Variants in POC5 observed in about 807,000 individuals in gnomAD.
POC5 encodes centrosomal protein POC5.
Under a neutral mutation model 62.9 loss-of-function variants are expected in POC5, and 48 were observed. That is an observed-to-expected ratio of 0.76 (90% CI 0.61 to 0.97). The LOEUF (loss-of-function observed/expected upper bound fraction) is 0.97, where lower values mean the gene tolerates loss of function less well. Ranked by LOEUF, POC5 falls within the 50% of genes least tolerant of loss-of-function variation. The pLI is 0.00. For synonymous variants in POC5, 236 were observed against 228.2 expected, an observed-to-expected ratio of 1.03 and a Z score of -0.31; for missense variants, 696 against 679.5, an observed-to-expected ratio of 1.02 and a Z score of -0.27.
chr5:75,692,365 T>C lies in POC5; in HGVS notation c.795+31A>G, dbSNP rs192924230. 6 of 1,467,382 alleles carry C rather than the reference T, an allele frequency of 4.1e-6. No individual in the cohort carries two copies. The East Asian group carries it at 1.5e-4, about 36-fold the overall frequency. 90.9% of individuals were successfully genotyped at this position (1,467,382 alleles called of 1,614,324 possible). ...CACTTCTGAATTCAGAAGTCTAACATCCATCAGCTGTCTTCTGCTTTGACA... is the reference window on the plus strand; with the variant it reads ...CACTTCTGAATTCAGAAGTCTAACACCCATCAGCTGTCTTCTGCTTTGACA... On this transcript the variant is annotated intron_variant, in intron 7 of 11. Coordinates refer to ENST00000428202, the MANE Select transcript of POC5 (RefSeq NM_001099271.2).
Position 75,685,411 on chromosome 5 carries a change from C to G in POC5, c.1203G>C (p.Leu401Phe). The G allele has an allele frequency of 6.2e-7, 1 of 1,613,884 alleles. No individual in the cohort carries two copies. The highest frequency in any genetic ancestry group is 8.5e-7 in the Non-Finnish European group (1 of 1,179,838). ...GVQGKEHSAH[L>F]DPSAPPMPLP... The stretch of plus-strand genomic sequence containing the variant: ...AGGGCATCGGAGGAGCTGAAGGATC[C>G]AAATGAGCAGAATGTTCTTTTCCTT... The change falls in exon 10 of 12, where the codon TTG becomes TTC. Residue 401 changes from leucine (L) to phenylalanine (F), a missense_variant. Leu to Phe is a conservative substitution (Grantham distance 22). Transcript: ENST00000428202.
intron 11 of POC5, among the ~76,000 whole-genome samples, chr5:75,676,853 T>C (rs924074536): frequency 6.6e-6 from 1 of 151,146 alleles, no homozygotes; most frequent in African/African-American, 2.4e-5. Context: ...AAAAAATAAA[T>C]AAATAAATAA....
intron 11 of POC5, among the ~76,000 whole-genome samples, chr5:75,675,138 G>T (rs1258859105): frequency 6.6e-6 from 1 of 152,142 alleles, no homozygotes; most frequent in Non-Finnish European, 1.5e-5. Context: ...GAGCTCAAAG[G>T]AACACCTCAG....
chr5:75,707,637 G>T, intron 3 of POC5, 100 bp downstream of exon 3: 1 of 947,100 alleles, frequency 1.1e-6, no homozygotes, highest in South Asian at 1.9e-5. Flanking sequence ...TGGTTGAGAA[G>T]AATCACTGAT....
At chr5:75,679,964 A>T (rs945690863) in intron 10 of POC5, among the ~76,000 whole-genome samples, 5 of 152,192 alleles carry the variant, frequency 3.3e-5, no homozygotes, top group Non-Finnish European at 5.9e-5. Context: ...CCTTGTAAAA[A>T]TGATTTGGCT....
At chr5:75,703,361 C>T (rs1776975404) in intron 4 of POC5, among the ~76,000 whole-genome samples, 1 of 152,146 alleles carries the variant, frequency 6.6e-6, no homozygotes, top group Non-Finnish European at 1.5e-5. Flanking sequence ...GGCGCGGTGG[C>T]TCATGCCTGT....
At chr5:75,695,737 G>C (rs957767032) in intron 5 of POC5, among the ~76,000 whole-genome samples, 1 of 152,172 alleles carries the variant, frequency 6.6e-6, no homozygotes, top group African/African-American at 2.4e-5. Context: ...AACAGCTCCA[G>C]TCTACAGCTC....
In POC5 at chr5:75,705,745, T is replaced by C; in HGVS notation, c.266A>G (p.Lys89Arg). 1 of 1,556,288 alleles carries C rather than the reference T, an allele frequency of 6.4e-7. No individual in the cohort carries two copies. Among genetic ancestry groups the C allele is most frequent in the Non-Finnish European group, 8.7e-7 (1 of 1,151,008 alleles). Residue 89 changes from lysine (K) to arginine (R), a missense_variant, in exon 4 of 12, where the codon AAA (lysine) becomes AGA (arginine). By Grantham distance (26) the Lys-to-Arg change is conservative. Coordinates refer to ENST00000428202, the MANE Select transcript of POC5 (RefSeq NM_001099271.2). The part of the protein sequence containing the change: ...EVRETAIEVG[K>R]GCDFHISSHS... ...ACTTGAAATATGGAAATCACATCCT[T>C]TTCCAACTTCTATTGCAGTTTCTCT...
intron 11 of POC5, chr5:75,677,547 A>T (rs1775715178): frequency 3.3e-6 from 1 of 304,080 alleles, no homozygotes; most frequent in African/African-American, 2.2e-5. Flanking sequence ...GGAAGAAACG[A>T]TGTTTCTGAA....
intron 3 of POC5, among the ~76,000 whole-genome samples, chr5:75,706,418 A>T (rs1777122736): frequency 6.6e-6 from 1 of 152,230 alleles, no homozygotes; most frequent in Non-Finnish European, 1.5e-5. Flanking sequence ...GGATATCTAA[A>T]CTTACTATAT....
intron 1 of POC5, among the ~76,000 whole-genome samples, chr5:75,714,754 T>C (rs1038550692): frequency 3.9e-5 from 6 of 152,122 alleles, no homozygotes; most frequent in Admixed American, 2.0e-4. Context: ...GCTGCAAGTA[T>C]GCAGTCTGTG....
chr5:75,676,690 C>T (rs1387077484), intron 11 of POC5, among the ~76,000 whole-genome samples: 3 of 151,888 alleles, frequency 2.0e-5, no homozygotes, highest in South Asian at 2.1e-4. Flanking sequence ...GGGGTGGTGG[C>T]GGGTGCCTGT....
intron 5 of POC5, 44 bp downstream of exon 5, chr5:75,702,561 A>G (rs1776932691): frequency 1.3e-6 from 2 of 1,544,520 alleles, no homozygotes; most frequent in East Asian, 2.3e-5. Flanking sequence ...AAACTATTAC[A>G]TTACATACTA....
intron 2 of POC5, 92 bp downstream of exon 2, chr5:75,712,762 G>T: frequency 3.0e-6 from 3 of 998,728 alleles, no homozygotes; most frequent in Non-Finnish European, 3.0e-6. Context: ...CTTGTAAATG[G>T]ATGAAAAAAT....
intron 4 of POC5, among the ~76,000 whole-genome samples, chr5:75,704,795 G>A (rs1777051460): frequency 6.6e-6 from 1 of 152,124 alleles, no homozygotes; most frequent in Admixed American, 6.5e-5. Context: ...GACAAAAATG[G>A]TTACCACATT....
In POC5 at chr5:75,694,667, C is replaced by A. The variant is rs371544557; in HGVS notation, c.678G>T (p.Gly226=). Residue 226 remains glycine, a synonymous_variant, in exon 6 of 12, where the codon GGG becomes GGT. Coordinates refer to ENST00000428202, the MANE Select transcript of POC5 (RefSeq NM_001099271.2). The part of the protein sequence containing the change: ...ELQKTFEISI[G]RKDEVISSLS... ...TAAAAAAGAAGACCTCATCTTTTCTCCCAATGGAGATTTCAAAGGTTTTTT... is the reference window on the plus strand; with the variant it reads ...TAAAAAAGAAGACCTCATCTTTTCTACCAATGGAGATTTCAAAGGTTTTTT... 37 of 1,549,472 alleles carry A rather than the reference C, an allele frequency of 2.4e-5. No homozygotes were observed. Among genetic ancestry groups the A allele is most frequent in the Non-Finnish European group, 3.0e-5 (35 of 1,152,022 alleles).
rs189517802 is a variant in POC5, at chr5:75,696,449, G to C, written c.514-1618C>G. On this transcript the variant is annotated intron_variant, in intron 5 of 11. Coordinates refer to ENST00000428202, the MANE Select transcript of POC5 (RefSeq NM_001099271.2). The stretch of plus-strand genomic sequence containing the variant: ...TGGGAGGCACCCCCCAGCAGAGGCA[G>C]ACTGACACCTCACACGGCCGGGTAC... 4.6e-3 allele frequency among the ~76,000 whole-genome samples: 699 copies of C among 152,288 alleles called. 4 individuals are homozygous for C. The highest frequency in any genetic ancestry group is 0.012 in the African/African-American group (495 of 41,548).
At position 75,693,388 on chromosome 5, in the gene POC5, C is replaced by T. The variant is rs1776428185; in HGVS notation, c.691-888G>A. Among the ~76,000 whole-genome samples, 5 of 151,864 alleles carry T rather than the reference C, an allele frequency of 3.3e-5. No individual in the cohort carries two copies. In the South Asian group the frequency reaches 8.3e-4, roughly 25 times the overall value. ...CACATTTACCAAGAGATATTTATAACTGCTCTTTAAATAATTTCCAGAGAG... is the reference window on the plus strand; with the variant it reads ...CACATTTACCAAGAGATATTTATAATTGCTCTTTAAATAATTTCCAGAGAG... On this transcript the variant is annotated intron_variant, in intron 6 of 11. Transcript: ENST00000428202.
At chr5:75,713,050 T>C (rs1197724702) in intron 1 of POC5, 99 bp from the exon 2 acceptor site, 1 of 817,354 alleles carries the variant, frequency 1.2e-6, no homozygotes, top group East Asian at 2.8e-5. Flanking sequence ...ATCTGCAATC[T>C]TCCTGTGATA....
Sources: gnomAD v4.1 joint callset for allele counts (sites outside exome capture counted in the v4.1 genomes callset) on GRCh38, gnomAD v4.1.1 for gene constraint, MANE v1.5 for transcripts, NCBI Gene and HGNC (gene_info 2026-07-23, HGNC 2026-07-21) for gene names.